EPHA3: variants seen among roughly 807,000 people sequenced by gnomAD.
The protein encoded by EPHA3 is ephrin type-A receptor 3.
EPHA3 carries 42 observed loss-of-function variants against 107.1 expected under a neutral mutation model. The ratio of observed to expected loss-of-function variants is 0.39; its 90% CI spans 0.31 to 0.51. The LOEUF is 0.51. EPHA3 is among the 20% of genes least tolerant of loss of function. The probability of loss-of-function intolerance (pLI) is 0.78; values close to 1 mark genes in which losing one functional copy is unlikely to be tolerated. For missense variants in EPHA3, 1,183 were observed against 1,211.2 expected (o/e 0.98, Z 0.35); for synonymous variants, 461 against 424.8 (o/e 1.09, Z -1.05).
Position 89,301,898 on chromosome 3 carries a change from A to C in EPHA3, c.815-39018A>C, listed in dbSNP as rs76511988. 8.3e-3 allele frequency among the ~76,000 whole-genome samples: 1,261 copies of C among 152,190 alleles called. 29 individuals are homozygous for C. The highest frequency in any genetic ancestry group is 0.029 in the African/African-American group (1,202 of 41,532). Reference sequence around the variant, plus strand: ...AAATGGCAGGGACATAGGAAACTGAAACCAATGTGATATGGCTATTTTTTG... The same window carrying C: ...AAATGGCAGGGACATAGGAAACTGACACCAATGTGATATGGCTATTTTTTG... On this transcript the variant is annotated intron_variant, in intron 3 of 16. Coordinates refer to ENST00000336596, the MANE Select transcript of EPHA3 (RefSeq NM_005233.6).
chr3:89,300,266 A>G (rs1471364884), intron 3 of EPHA3, among the ~76,000 whole-genome samples: 1 of 152,072 alleles, frequency 6.6e-6, no homozygotes, highest in Non-Finnish European at 1.5e-5. Flanking sequence ...TTTCTGTAAT[A>G]AAAGAGTTAT....
chr3:89,451,032 C>A (rs1259323846), intron 15 of EPHA3, among the ~76,000 whole-genome samples: 5 of 152,102 alleles, frequency 3.3e-5, no homozygotes, highest in Non-Finnish European at 7.4e-5. Context: ...TAGCAAAATG[C>A]AAATTTTCCC....
chr3:89,431,336 C>G lies in EPHA3; in HGVS notation c.2323C>G (p.Pro775Ala). 6.2e-7 allele frequency: 1 copy of G among 1,613,350 alleles called. No homozygotes were observed. The highest frequency in any genetic ancestry group is 8.5e-7 in the Non-Finnish European group (1 of 1,179,842). Residue 775 changes from proline to alanine, a missense_variant, in exon 13 of 17, where the codon CCA (proline) becomes GCA (alanine). Physicochemically the swap from Pro to Ala is conservative, Grantham distance 27. Transcript: ENST00000336596. ...ACTTTCGCGTGTCCTGGAGGATGAC[C>G]CAGAAGCTGCTTATACAACAAGAGT... ...FGLSRVLEDD[P>A]EAAYTTRGGK...
intron 3 of EPHA3, among the ~76,000 whole-genome samples, chr3:89,254,541 C>A (rs1559620352): frequency 6.6e-6 from 1 of 152,160 alleles, no homozygotes; most frequent in Non-Finnish European, 1.5e-5. Context: ...ATTAAAAAAT[C>A]CAACCACTTC....
intron 2 of EPHA3, among the ~76,000 whole-genome samples, chr3:89,157,290 G>A (rs906756018): frequency 2.6e-5 from 4 of 151,908 alleles, no homozygotes; most frequent in African/African-American, 9.7e-5. Context: ...AAATTCAATT[G>A]CCAGATATTC....
chr3:89,128,742 A>G (rs180687641), intron 2 of EPHA3, among the ~76,000 whole-genome samples: 67 of 151,038 alleles, frequency 4.4e-4, no homozygotes, highest in African/African-American at 1.6e-3. Context: ...ATCTATAACT[A>G]ATAGATATGT....
chr3:89,446,027 A>G (rs1709870799), intron 13 of EPHA3, among the ~76,000 whole-genome samples: 1 of 152,334 alleles, frequency 6.6e-6, no homozygotes, highest in African/African-American at 2.4e-5. Flanking sequence ...ACACAACCAG[A>G]AGAGCAGAAT....
intron 2 of EPHA3, among the ~76,000 whole-genome samples, chr3:89,151,437 A>G (rs1231355058): frequency 1.3e-5 from 2 of 152,074 alleles, no homozygotes; most frequent in Non-Finnish European, 2.9e-5. Flanking sequence ...AAGATGCTGT[A>G]CAGGAAATCT....
chr3:89,357,264 G>T lies in EPHA3; in HGVS notation c.1306+15174G>T, dbSNP rs76652589. 4.6e-3 allele frequency among the ~76,000 whole-genome samples: 687 copies of T among 150,394 alleles called. 17 individuals carry two copies. The highest frequency in any genetic ancestry group is 0.017 in the Middle Eastern group (5 of 292). Reference sequence around the variant, plus strand: ...AGTTAGAAGAATACACTTTACCAAGGCCCAGGTTGTGACAGGAGACAAAGA... The same window carrying T: ...AGTTAGAAGAATACACTTTACCAAGTCCCAGGTTGTGACAGGAGACAAAGA... On this transcript the variant is annotated intron_variant, in intron 5 of 16. Coordinates refer to ENST00000336596, the MANE Select transcript of EPHA3 (RefSeq NM_005233.6).
intron 3 of EPHA3, among the ~76,000 whole-genome samples, chr3:89,286,753 G>A (rs1165980058): frequency 6.6e-6 from 1 of 152,006 alleles, no homozygotes; most frequent in African/African-American, 2.4e-5. Flanking sequence ...TTAATCCCTG[G>A]GCTTGGGTGA....
chr3:89,319,724 TA>T (rs997066466), intron 3 of EPHA3, among the ~76,000 whole-genome samples: 7 of 151,958 alleles, frequency 4.6e-5, no homozygotes, highest in African/African-American at 1.7e-4. Flanking sequence ...TCAGATGACC[TA>T]AACTGATGCC....
At chr3:89,317,642 A>T (rs1157290245) in intron 3 of EPHA3, among the ~76,000 whole-genome samples, 1 of 151,814 alleles carries the variant, frequency 6.6e-6, no homozygotes, top group Non-Finnish European at 1.5e-5. Flanking sequence ...ACATCAAAGA[A>T]ATGTTAAACC....
chr3:89,371,749 A>G (rs114620174), intron 5 of EPHA3, among the ~76,000 whole-genome samples: 2,319 of 151,706 alleles, frequency 0.015, 42 homozygotes, highest in African/African-American at 0.053. Flanking sequence ...CACAACACAC[A>G]CACACATATG....
At chr3:89,409,943 G>A (rs1709126258) in intron 9 of EPHA3, among the ~76,000 whole-genome samples, 1 of 152,064 alleles carries the variant, frequency 6.6e-6, no homozygotes, top group African/African-American at 2.4e-5. Flanking sequence ...AGAATGAGCT[G>A]TAAAGTAGTG....
At chr3:89,405,348 C>T (rs1373363176) in intron 7 of EPHA3, among the ~76,000 whole-genome samples, 1 of 152,126 alleles carries the variant, frequency 6.6e-6, no homozygotes, top group Non-Finnish European at 1.5e-5. Flanking sequence ...ATAACCTGTG[C>T]TTGAAGGCTG....
intron 5 of EPHA3, among the ~76,000 whole-genome samples, chr3:89,357,451 G>T (rs989858200): frequency 6.6e-6 from 1 of 151,024 alleles, no homozygotes; most frequent in African/African-American, 2.4e-5. Flanking sequence ...ATATTTTAAA[G>T]AAAGAAAATT....
chr3:89,272,050 C>A (rs1705681874), intron 3 of EPHA3, among the ~76,000 whole-genome samples: 3 of 151,866 alleles, frequency 2.0e-5, no homozygotes, highest in African/African-American at 7.3e-5. Context: ...CTCTAGTTTA[C>A]TTTATTGTAA....
intron 2 of EPHA3, among the ~76,000 whole-genome samples, chr3:89,135,076 A>G (rs906376080): frequency 6.6e-6 from 1 of 152,194 alleles, no homozygotes; most frequent in Admixed American, 6.6e-5. Context: ...CAGTTTAAAC[A>G]TAGTAATTTG....
rs569085528 is a variant in EPHA3, at chr3:89,190,860, AG to A, written c.154-18998del. 1.0e-3 allele frequency among the ~76,000 whole-genome samples: 159 copies of A among 152,202 alleles called. No individual in the cohort carries two copies. In the South Asian group the frequency reaches 0.017, roughly 16 times the overall value. On this transcript the variant is annotated intron_variant, in intron 2 of 16. Coordinates refer to ENST00000336596, the MANE Select transcript of EPHA3 (RefSeq NM_005233.6). ...TGTGTCCAAATTTCCTCTTCTTATA[AG>A]GCCTCCGTAGTATCGAATTAGAGCT...
Sources: allele counts gnomAD v4.1 joint callset (sites outside exome capture counted in the v4.1 genomes callset), GRCh38; gene constraint gnomAD v4.1.1; transcripts MANE v1.5; gene names NCBI Gene and HGNC (gene_info 2026-07-23, HGNC 2026-07-21).